The following PIBF1 variants were observed in gnomAD, a reference collection of about 807,000 sequenced individuals.
PIBF1 encodes progesterone-induced-blocking factor 1.
Under a neutral mutation model 112.5 loss-of-function variants are expected in PIBF1, and 90 were observed. That is an observed-to-expected ratio of 0.80 (90% CI 0.67 to 0.95). The LOEUF (loss-of-function observed/expected upper bound fraction) is 0.95, where lower values mean the gene tolerates loss of function less well. Ranked by LOEUF, PIBF1 falls within the 40% of genes least tolerant of loss-of-function variation. PIBF1 has a pLI of 0.00. For missense variants in PIBF1, 915 were observed against 852.3 expected (o/e 1.07, Z -0.92); for synonymous variants, 301 against 288.6 (o/e 1.04, Z -0.44).
At chr13:72,804,748 G>A (rs989223661) in intron 5 of PIBF1, among the ~76,000 whole-genome samples, 1 of 152,102 alleles carries the variant, frequency 6.6e-6, no homozygotes, top group Non-Finnish European at 1.5e-5. Context: ...GCCATGTTTC[G>A]AGGTGTCTGT....
intron 13 of PIBF1, among the ~76,000 whole-genome samples, chr13:72,927,992 C>CATATATATACATATATATATATATAT (rs1566458232): frequency 2.0e-5 from 1 of 50,752 alleles, no homozygotes; most frequent in Non-Finnish European, 3.8e-5. Context: ...TATATATACA[C>CATATATATACATATATATATATATAT]ACACATATAT....
intron 4 of PIBF1, 137 bp from the exon 5 acceptor site, chr13:72,797,770 C>G (rs1447862786): frequency 3.3e-6 from 2 of 603,242 alleles, no homozygotes; most frequent in South Asian, 2.5e-5. Context: ...GTATTAGTGG[C>G]TAGGGTCCAT....
intron 9 of PIBF1, among the ~76,000 whole-genome samples, chr13:72,844,503 A>G (rs2037745533): frequency 6.6e-6 from 1 of 151,688 alleles, no homozygotes; most frequent in African/African-American, 2.4e-5. Flanking sequence ...CTTCACCCCA[A>G]CAGGCCCCAG....
At chr13:72,881,646 G>T (rs1162797912) in intron 10 of PIBF1, among the ~76,000 whole-genome samples, 1 of 151,572 alleles carries the variant, frequency 6.6e-6, no homozygotes, top group African/African-American at 2.4e-5. Flanking sequence ...AACCCATGAG[G>T]TGGAGGTTGC....
At chr13:72,865,567 A>G (rs2038891342) in intron 10 of PIBF1, among the ~76,000 whole-genome samples, 1 of 152,150 alleles carries the variant, frequency 6.6e-6, no homozygotes, top group Non-Finnish European at 1.5e-5. Context: ...GTGTCTTATT[A>G]TTTTTAACAC....
Position 73,015,604 on chromosome 13 carries a change from C to T in PIBF1, c.2224-265C>T, listed in dbSNP as rs190424992. Among the ~76,000 whole-genome samples the T allele has an allele frequency of 4.0e-4, 61 of 152,144 alleles. 1 individual carries two copies. The highest frequency in any genetic ancestry group is 2.0e-3 in the Admixed American group (30 of 15,264). On this transcript the variant is annotated intron_variant, in intron 17 of 17. Coordinates refer to ENST00000326291, the MANE Select transcript of PIBF1 (RefSeq NM_006346.4). ...ATTCTCTTTGAAAATAAAATCAATTCGTAAAATAATTGCATCCCCAGAAAA... is the reference window on the plus strand; with the variant it reads ...ATTCTCTTTGAAAATAAAATCAATTTGTAAAATAATTGCATCCCCAGAAAA...
intron 16 of PIBF1, among the ~76,000 whole-genome samples, chr13:72,991,750 G>T (rs990103904): frequency 1.3e-5 from 2 of 148,670 alleles, no homozygotes; most frequent in East Asian, 4.0e-4. Flanking sequence ...ATGGAGTCTC[G>T]CTCTGTCGCC....
intron 13 of PIBF1, among the ~76,000 whole-genome samples, chr13:72,920,199 A>T (rs1198816308): frequency 1.3e-5 from 2 of 152,228 alleles, no homozygotes; most frequent in Non-Finnish European, 2.9e-5. Flanking sequence ...AATATTCTAA[A>T]GATTCTATCA....
intron 10 of PIBF1, among the ~76,000 whole-genome samples, chr13:72,887,202 CAAAAG>C (rs1032409060): frequency 7.3e-5 from 11 of 151,384 alleles, no homozygotes; most frequent in African/African-American, 2.7e-4. Flanking sequence ...AACTAAAAAG[CAAAAG>C]AAAACAGTTG....
intron 17 of PIBF1, among the ~76,000 whole-genome samples, chr13:73,003,468 T>A (rs1386172885): frequency 6.6e-6 from 1 of 152,096 alleles, no homozygotes; most frequent in Non-Finnish European, 1.5e-5. Context: ...TTGGCCAGGC[T>A]GGTCTCCAAA....
chr13:72,874,450 AG>A (rs2039308230), intron 10 of PIBF1, among the ~76,000 whole-genome samples: 1 of 152,196 alleles, frequency 6.6e-6, no homozygotes, highest in African/African-American at 2.4e-5. Flanking sequence ...TTATTATAAA[AG>A]TTCTATGTTG....
At chr13:72,861,716 C>T (rs1258805957) in intron 10 of PIBF1, among the ~76,000 whole-genome samples, 13 of 152,134 alleles carry the variant, frequency 8.5e-5, no homozygotes, top group Non-Finnish European at 1.9e-4. Context: ...CAGGTGTGTG[C>T]CACCACACCT....
chr13:72,794,628 T>C (rs2137960702), intron 3 of PIBF1, among the ~76,000 whole-genome samples: 1 of 152,280 alleles, frequency 6.6e-6, no homozygotes, highest in South Asian at 2.1e-4. Flanking sequence ...GATCTGATGG[T>C]TTTATAAATG....
At chr13:72,908,707 C>G in intron 12 of PIBF1, 26 bp downstream of exon 12, 1 of 1,577,552 alleles carries the variant, frequency 6.3e-7, no homozygotes, top group South Asian at 1.2e-5. Context: ...CACACACATG[C>G]ACAACTTTTT....
intron 13 of PIBF1, among the ~76,000 whole-genome samples, chr13:72,927,189 G>A (rs1490748153): frequency 2.0e-5 from 3 of 151,780 alleles, no homozygotes; most frequent in East Asian, 3.9e-4. Flanking sequence ...GTGCCTCAGC[G>A]TTCCAAGTAG....
chr13:72,916,898 G>A (rs565920909), intron 12 of PIBF1, among the ~76,000 whole-genome samples, 178 bp from the exon 13 acceptor site: 1 of 152,150 alleles, frequency 6.6e-6, no homozygotes, highest in South Asian at 2.1e-4. Context: ...ATTCAAGCAA[G>A]GATATACTTT....
chr13:72,853,376 A>C lies in PIBF1; in HGVS notation c.1224-681A>C, dbSNP rs187518261. 2.6e-4 allele frequency among the ~76,000 whole-genome samples: 40 copies of C among 152,288 alleles called. 1 individual carries two copies. The highest frequency in any genetic ancestry group is 1.6e-3 in the Admixed American group (24 of 15,300). ...CATCTCAGATCTACTTAATTTAGTCATACTAATTTTCATACCCGATCTTGT... is the reference window on the plus strand; with the variant it reads ...CATCTCAGATCTACTTAATTTAGTCCTACTAATTTTCATACCCGATCTTGT... On this transcript the variant is annotated intron_variant, in intron 9 of 17. Coordinates refer to ENST00000326291, the MANE Select transcript of PIBF1 (RefSeq NM_006346.4).
chr13:72,994,588 C>G (rs2043587022), intron 16 of PIBF1, among the ~76,000 whole-genome samples: 1 of 152,150 alleles, frequency 6.6e-6, no homozygotes, highest in African/African-American at 2.4e-5. Context: ...AATAAACCCA[C>G]TGACCAATCA....
intron 10 of PIBF1, among the ~76,000 whole-genome samples, chr13:72,880,810 T>G (rs924296462): frequency 4.6e-5 from 7 of 152,196 alleles, no homozygotes; most frequent in Non-Finnish European, 8.8e-5. Context: ...TATTCAACTT[T>G]TAGGTTCAGG....
Sources: allele counts gnomAD v4.1 joint callset (sites outside exome capture counted in the v4.1 genomes callset), GRCh38; gene constraint gnomAD v4.1.1; transcripts MANE v1.5; gene names NCBI Gene and HGNC (gene_info 2026-07-23, HGNC 2026-07-21).